PIK3AP1: variants seen among roughly 807,000 people sequenced by gnomAD.
PIK3AP1 encodes phosphoinositide-3-kinase adaptor protein 1, also known as phosphoinositide 3-kinase adapter protein 1.
PIK3AP1 carries 21 observed loss-of-function variants against 88.1 expected under a neutral mutation model. The ratio of observed to expected loss-of-function variants is 0.24; its 90% CI spans 0.17 to 0.34. The LOEUF (loss-of-function observed/expected upper bound fraction) is 0.34. Ranked by LOEUF, PIK3AP1 falls within the 10% of genes least tolerant of loss-of-function variation. PIK3AP1 has a pLI of 1.00. For synonymous variants in PIK3AP1, 398 were observed against 400.0 expected, an observed-to-expected ratio of 1.00 and a Z score of 0.06; for missense variants, 828 against 1,035.7, an observed-to-expected ratio of 0.80 and a Z score of 2.75.
intron 8 of PIK3AP1, among the ~76,000 whole-genome samples, chr10:96,639,046 C>G (rs1165685657): frequency 2.0e-5 from 3 of 152,164 alleles, no homozygotes; most frequent in Non-Finnish European, 4.4e-5. Context: ...GGGCATTTCT[C>G]AAGCCGAGAA....
At chr10:96,624,661 CAAAAAA>C (rs5787202) in intron 10 of PIK3AP1, among the ~76,000 whole-genome samples, 2 of 139,416 alleles carry the variant, frequency 1.4e-5, no homozygotes, top group African/African-American at 5.3e-5. Flanking sequence ...GACCCTGTCT[CAAAAAA>C]AAAAAAAAGA....
chr10:96,701,379 T>G (rs1844296083), intron 2 of PIK3AP1, among the ~76,000 whole-genome samples: 1 of 152,178 alleles, frequency 6.6e-6, no homozygotes, highest in East Asian at 1.9e-4. Flanking sequence ...TGTTCCAAAG[T>G]GAGTTCCAGT....
intron 9 of PIK3AP1, 134 bp from the exon 10 acceptor site, chr10:96,627,039 C>T: frequency 1.3e-6 from 1 of 781,140 alleles, no homozygotes. Flanking sequence ...CCCAATATCA[C>T]TTCCTGTATC....
At chr10:96,675,521 G>A (rs1488589898) in intron 2 of PIK3AP1, among the ~76,000 whole-genome samples, 1 of 152,088 alleles carries the variant, frequency 6.6e-6, no homozygotes, top group African/African-American at 2.4e-5. Flanking sequence ...GCCCTTGGTC[G>A]GTTCTACTCC....
chr10:96,658,063 CAAAA>C (rs10706863), intron 2 of PIK3AP1, among the ~76,000 whole-genome samples: 3 of 113,934 alleles, frequency 2.6e-5, no homozygotes, highest in Non-Finnish European at 5.6e-5. Flanking sequence ...AACTCCATCT[CAAAA>C]AAAAAAAAAA....
At chr10:96,667,882 C>G (rs1843786514) in intron 2 of PIK3AP1, among the ~76,000 whole-genome samples, 1 of 152,154 alleles carries the variant, frequency 6.6e-6, no homozygotes, top group Non-Finnish European at 1.5e-5. Flanking sequence ...GGAACAGGGC[C>G]TTAAGCCCAC....
At chr10:96,605,305 A>G (rs1348005232) in intron 14 of PIK3AP1, among the ~76,000 whole-genome samples, 1 of 152,174 alleles carries the variant, frequency 6.6e-6, no homozygotes, top group Admixed American at 6.6e-5. Flanking sequence ...GTGTTATCCA[A>G]TATGGTAGCA....
At chr10:96,611,465 A>G (rs1489777423) in intron 13 of PIK3AP1, among the ~76,000 whole-genome samples, 2 of 151,346 alleles carry the variant, frequency 1.3e-5, no homozygotes, top group African/African-American at 4.9e-5. Flanking sequence ...TCTGACTTAG[A>G]TTTTTAAAAA....
chr10:96,702,926 G>A (rs2134284980), intron 2 of PIK3AP1, among the ~76,000 whole-genome samples: 1 of 152,094 alleles, frequency 6.6e-6, no homozygotes, highest in East Asian at 1.9e-4. Context: ...TCCCAGGCTG[G>A]AGTGCAGTGC....
chr10:96,703,154 A>G (rs1390467071), intron 2 of PIK3AP1, among the ~76,000 whole-genome samples: 1 of 152,222 alleles, frequency 6.6e-6, no homozygotes, highest in East Asian at 1.9e-4. Context: ...TTAGAATTAC[A>G]GTTGTGAGCC....
chr10:96,673,699 T>C (rs926066740), intron 2 of PIK3AP1, among the ~76,000 whole-genome samples: 3 of 152,200 alleles, frequency 2.0e-5, no homozygotes, highest in African/African-American at 7.2e-5. Flanking sequence ...CTGGATTTAC[T>C]GGTGTGAGGA....
chr10:96,608,465 A>G (rs1285288601), intron 14 of PIK3AP1, among the ~76,000 whole-genome samples: 1 of 152,226 alleles, frequency 6.6e-6, no homozygotes, highest in Non-Finnish European at 1.5e-5. Context: ...CAGTCACGTG[A>G]TAGGCTGTGG....
intron 8 of PIK3AP1, among the ~76,000 whole-genome samples, chr10:96,635,187 G>A (rs910276810): frequency 2.0e-5 from 3 of 152,046 alleles, no homozygotes; most frequent in Non-Finnish European, 4.4e-5. Context: ...ACAGATTCAG[G>A]GGCATTATTC....
intron 2 of PIK3AP1, among the ~76,000 whole-genome samples, chr10:96,691,219 C>T (rs2134273999): frequency 6.6e-6 from 1 of 152,288 alleles, no homozygotes; most frequent in South Asian, 2.1e-4. Context: ...AACCCTCAAA[C>T]TAACTCCCCA....
chr10:96,632,214 G>C (rs2134213672), intron 8 of PIK3AP1, among the ~76,000 whole-genome samples: 1 of 152,318 alleles, frequency 6.6e-6, no homozygotes, highest in African/African-American at 2.4e-5. Context: ...CAGAAAAAGA[G>C]TATCAGTGGC....
At chr10:96,610,840 G>A (rs1239287922) in intron 13 of PIK3AP1, among the ~76,000 whole-genome samples, 1 of 152,212 alleles carries the variant, frequency 6.6e-6, no homozygotes, top group East Asian at 1.9e-4. Flanking sequence ...AAGGCAAGAT[G>A]TGCTCCTGCC....
intron 10 of PIK3AP1, among the ~76,000 whole-genome samples, chr10:96,626,166 C>T (rs1239498218): frequency 6.6e-6 from 1 of 152,166 alleles, no homozygotes; most frequent in Non-Finnish European, 1.5e-5. Flanking sequence ...GAAGTCAAAA[C>T]CTTAATTTTT....
At chr10:96,643,923 AT>A (rs1306174776) in intron 8 of PIK3AP1, among the ~76,000 whole-genome samples, 1 of 152,190 alleles carries the variant, frequency 6.6e-6, no homozygotes, top group Non-Finnish European at 1.5e-5. Context: ...CCTTGAATCT[AT>A]TAATGAAAAC....
chr10:96,689,570 T>C (rs1165303789), intron 2 of PIK3AP1, among the ~76,000 whole-genome samples: 1 of 101,608 alleles, frequency 9.8e-6, no homozygotes, highest in Non-Finnish European at 1.8e-5. Context: ...AGCAAGACTC[T>C]GTCTCAAAAA....
Sources: allele counts gnomAD v4.1 joint callset (sites outside exome capture counted in the v4.1 genomes callset), GRCh38; gene constraint gnomAD v4.1.1; transcripts MANE v1.5; gene names NCBI Gene and HGNC (gene_info 2026-07-23, HGNC 2026-07-21).